The following STX8 variants were observed in gnomAD, a reference collection of about 807,000 sequenced individuals.
STX8 encodes syntaxin-8.
In STX8, 23 loss-of-function variants were observed where a neutral mutation model predicts 37.5. The observed-to-expected ratio is 0.61, with a 90% CI of 0.44 to 0.87. The LOEUF is 0.87. Among genes scored for constraint, STX8 ranks in the 40% least tolerant of loss-of-function variants. The probability of loss-of-function intolerance (pLI) is 0.00; values close to 1 mark genes in which losing one functional copy is unlikely to be tolerated. For synonymous variants in STX8, 115 were observed against 99.1 expected, an observed-to-expected ratio of 1.16 and a Z score of -0.95; for missense variants, 313 against 284.7, an observed-to-expected ratio of 1.10 and a Z score of -0.71.
intron 6 of STX8, among the ~76,000 whole-genome samples, chr17:9,442,267 C>T (rs1904691062): frequency 6.6e-6 from 1 of 152,194 alleles, no homozygotes; most frequent in Non-Finnish European, 1.5e-5. Flanking sequence ...CTCTCCCTAT[C>T]TTCTCATCCT....
At chr17:9,430,120 AATAT>A (rs1410746736) in intron 6 of STX8, among the ~76,000 whole-genome samples, 14 of 91,062 alleles carry the variant, frequency 1.5e-4, no homozygotes, top group Non-Finnish European at 2.7e-4. Flanking sequence ...TATATAAATA[AATAT>A]AAATATAAAA....
rs558218084 is a variant in STX8 at position 9,530,083 on chromosome 17, G to A, written c.323+15089C>T. On this transcript the variant is annotated intron_variant, in intron 4 of 7. Coordinates refer to ENST00000306357, the MANE Select transcript of STX8 (RefSeq NM_004853.3). The stretch of plus-strand genomic sequence containing the variant: ...AGCACTTTGGGAGGCTAAGGCGGGC[G>A]GTTCATGAGGTCAGGAGATCGAGAC... Among the ~76,000 whole-genome samples the A allele has an allele frequency of 4.6e-5, 7 of 152,216 alleles. No individual in the cohort carries two copies. In the East Asian group the frequency reaches 7.7e-4, roughly 17 times the overall value.
At chr17:9,299,682 A>G (rs894840057) in intron 7 of STX8, among the ~76,000 whole-genome samples, 2 of 151,882 alleles carry the variant, frequency 1.3e-5, no homozygotes, top group African/African-American at 4.8e-5. Context: ...TGCCCTCGTG[A>G]TCTACTGCCT....
At chr17:9,390,977 C>T in intron 6 of STX8, among the ~76,000 whole-genome samples, 1 of 152,028 alleles carries the variant, frequency 6.6e-6, no homozygotes, top group Non-Finnish European at 1.5e-5. Flanking sequence ...GGGGCAATGG[C>T]AGCAATTTAA....
intron 6 of STX8, among the ~76,000 whole-genome samples, chr17:9,434,905 C>T (rs1904370822): frequency 6.6e-6 from 1 of 152,172 alleles, no homozygotes; most frequent in African/African-American, 2.4e-5. Flanking sequence ...ATTCCCATGG[C>T]ATGTTGCCAC....
intron 6 of STX8, among the ~76,000 whole-genome samples, chr17:9,438,745 G>A (rs931980058): frequency 2.0e-5 from 3 of 151,852 alleles, no homozygotes; most frequent in African/African-American, 4.8e-5. Context: ...TGGCTAACAC[G>A]GTGAAACCCC....
intron 6 of STX8, among the ~76,000 whole-genome samples, chr17:9,422,105 G>GTTTT (rs567821440): frequency 3.3e-4 from 46 of 139,688 alleles, no homozygotes; most frequent in African/African-American, 1.2e-3. Flanking sequence ...TCGGGTAGTA[G>GTTTT]TTTTTTTTTT....
intron 3 of STX8, among the ~76,000 whole-genome samples, chr17:9,546,418 GGGAAATGTAGTCTTT>G (rs1304563418): frequency 1.3e-5 from 2 of 151,148 alleles, no homozygotes; most frequent in Non-Finnish European, 2.9e-5. Context: ...CCATCCTTCT[GGGAAATGTAGTCTTT>G]GGAAAGAAAC....
chr17:9,386,970 A>G (rs1429897336), intron 6 of STX8, among the ~76,000 whole-genome samples: 1 of 149,156 alleles, frequency 6.7e-6, no homozygotes, highest in African/African-American at 2.5e-5. Context: ...CCCGGGTTCA[A>G]ACAAGTCTCC....
intron 7 of STX8, among the ~76,000 whole-genome samples, chr17:9,304,915 G>GA (rs1200902556): frequency 8.4e-4 from 113 of 134,550 alleles, no homozygotes; most frequent in South Asian, 9.1e-4. Context: ...ATATATGGGC[G>GA]AAAAAAAAAA....
chr17:9,478,573 G>A (rs1906190619), intron 6 of STX8, among the ~76,000 whole-genome samples: 1 of 152,060 alleles, frequency 6.6e-6, no homozygotes, highest in African/African-American at 2.4e-5. Flanking sequence ...TATTGATTGT[G>A]ACTAAAAAAA....
At chr17:9,375,463 G>A (rs908837511) in intron 7 of STX8, among the ~76,000 whole-genome samples, 1 of 152,112 alleles carries the variant, frequency 6.6e-6, no homozygotes, top group Non-Finnish European at 1.5e-5. Context: ...GAGTTACTAT[G>A]TTGCAAACAC....
chr17:9,527,841 C>G (rs577707654), intron 4 of STX8, among the ~76,000 whole-genome samples: 51 of 152,312 alleles, frequency 3.3e-4, no homozygotes, highest in Admixed American at 1.4e-3. Flanking sequence ...ATCTTTAACA[C>G]TCATACCTTT....
intron 4 of STX8, among the ~76,000 whole-genome samples, chr17:9,532,896 CA>C (rs949807080): frequency 2.6e-5 from 4 of 151,222 alleles, no homozygotes; most frequent in Admixed American, 2.0e-4. Context: ...TACTGTGAAG[CA>C]AAAAAAAGAT....
chr17:9,315,676 T>C (rs1203767843), intron 7 of STX8, among the ~76,000 whole-genome samples: 1 of 152,182 alleles, frequency 6.6e-6, no homozygotes, highest in East Asian at 1.9e-4. Flanking sequence ...TTTTGGTTTC[T>C]ATCGGAGGCT....
chr17:9,568,917 C>T (rs962077102), intron 1 of STX8, among the ~76,000 whole-genome samples: 27 of 152,104 alleles, frequency 1.8e-4, no homozygotes, highest in Non-Finnish European at 3.4e-4. Context: ...ATGGACTGAG[C>T]GTTATTTACC....
At chr17:9,280,693 T>C (rs534848686) in intron 7 of STX8, among the ~76,000 whole-genome samples, 1 of 152,312 alleles carries the variant, frequency 6.6e-6, no homozygotes, top group South Asian at 2.1e-4. Flanking sequence ...ATCCATACCA[T>C]ATTTCTGGAT....
rs776786232 is a variant in STX8 at position 9,378,587 on chromosome 17, C to A, written c.608G>T (p.Arg203Leu). Reference sequence around the variant, plus strand: ...TGACTTTCTGTCCACCATGTTTACCCGCCTGGTTTCATTGCGAAGTTTTTC... The same window carrying A: ...TGACTTTCTGTCCACCATGTTTACCAGCCTGGTTTCATTGCGAAGTTTTTC... ...TDEKLRNETRRVNMVDRKSAS... is the reference protein window; with the variant it reads ...TDEKLRNETRLVNMVDRKSAS... Residue 203 changes from arginine (R) to leucine (L), a missense_variant, in exon 7 of 8, where the codon CGG (arginine) becomes CTG (leucine). Transcript: ENST00000306357. The A allele has an allele frequency of 1.9e-6, 3 of 1,613,794 alleles. No homozygotes were observed. Among genetic ancestry groups the A allele is most frequent in the Non-Finnish European group, 2.5e-6 (3 of 1,179,802 alleles).
intron 7 of STX8, among the ~76,000 whole-genome samples, chr17:9,347,216 G>A (rs1252361071): frequency 6.6e-6 from 1 of 151,538 alleles, no homozygotes; most frequent in Non-Finnish European, 1.5e-5. Flanking sequence ...ACATCTCCTA[G>A]TTCACTTTAA....
Sources: gnomAD v4.1 joint callset for allele counts (sites outside exome capture counted in the v4.1 genomes callset) on GRCh38, gnomAD v4.1.1 for gene constraint, MANE v1.5 for transcripts, NCBI Gene and HGNC (gene_info 2026-07-23, HGNC 2026-07-21) for gene names.